The following DIS3L variants were observed in gnomAD, a reference collection of about 807,000 sequenced individuals.
DIS3L encodes DIS3-like exonuclease 1.
Under a neutral mutation model 120.3 loss-of-function variants are expected in DIS3L, and 100 were observed. The ratio of observed to expected loss-of-function variants is 0.83; its 90% confidence interval spans 0.71 to 0.98. The LOEUF (loss-of-function observed/expected upper bound fraction) is 0.98, where lower values mean the gene tolerates loss of function less well. DIS3L is among the 50% of genes least tolerant of loss of function. DIS3L has a pLI of 0.00. For missense variants in DIS3L, 1,196 were observed against 1,314.2 expected (o/e 0.91, Z 1.39); for synonymous variants, 426 against 470.6 (o/e 0.91, Z 1.23).
At chr15:66,319,585 G>T (rs1233105830) in intron 8 of DIS3L, among the ~76,000 whole-genome samples, 1 of 152,204 alleles carries the variant, frequency 6.6e-6, no homozygotes, top group Non-Finnish European at 1.5e-5. Flanking sequence ...CAAAAAGTAT[G>T]GGCATTGCCC....
Position 66,293,605 on chromosome 15 carries a change from G to A in DIS3L, c.9G>A (p.Gln3=). The A allele has an allele frequency of 6.9e-7, 1 of 1,442,466 alleles. No individual in the cohort carries two copies. Among genetic ancestry groups the A allele is most frequent in the African/African-American group, 1.5e-5 (1 of 67,392 alleles). The allele number at this position is 1,442,466 out of a possible 1,614,324, so 89.4% of individuals were successfully genotyped here. A position where few individuals can be genotyped will look rare whatever the true frequency, so the allele number is the denominator to read the frequency against. ...CCGGGAGACACGCCGCCATGCTGCAGAAGCGGGAGAAGGTGCTGCTGCTGA... is the reference window on the plus strand; with the variant it reads ...CCGGGAGACACGCCGCCATGCTGCAAAAGCGGGAGAAGGTGCTGCTGCTGA... ML[Q]KREKVLLLRT... Residue 3 remains glutamine (Q), a synonymous_variant, in exon 1 of 17, where the codon CAG becomes CAA. Transcript: ENST00000319212.
In DIS3L at chr15:66,326,282, C is replaced by T. The variant is rs750334171; in HGVS notation, c.2119C>T (p.Arg707Cys). The change falls in exon 12 of 17, where the codon CGC (arginine) becomes TGC (cysteine). Residue 707 changes from arginine (R) to cysteine (C), a missense_variant. Transcript: ENST00000319212. ...GAGCTTCCCTCATCAGGCCTTGCTG[C>T]GCCAGCACCCTCCTCCACACCAGGA... is the stretch of plus-strand genomic sequence containing the variant. ...WESFPHQALL[R>C]QHPPPHQEFF... 42 of 1,613,984 alleles carry T rather than the reference C, an allele frequency of 2.6e-5. No homozygotes were observed. The highest frequency in any genetic ancestry group is 1.6e-4 in the Middle Eastern group (1 of 6,078).
intron 2 of DIS3L, among the ~76,000 whole-genome samples, chr15:66,301,332 GTGCAGTGGTGCCATC>G (rs1183269723): frequency 7.9e-5 from 12 of 151,828 alleles, no homozygotes; most frequent in Admixed American, 6.6e-4. Flanking sequence ...CCAGGCTGGA[GTGCAGTGGTGCCATC>G]TCAGCTCACT....
At chr15:66,307,057 A>G (rs2092709433) in intron 3 of DIS3L, 105 bp downstream of exon 3, 1 of 1,429,052 alleles carries the variant, frequency 7.0e-7, no homozygotes, top group Admixed American at 2.1e-5. Flanking sequence ...ACAAACCAAC[A>G]ATTATTCTGG....
At chr15:66,298,822 A>T (rs2092617365) in intron 2 of DIS3L, among the ~76,000 whole-genome samples, 1 of 152,248 alleles carries the variant, frequency 6.6e-6, no homozygotes, top group South Asian at 2.1e-4. Flanking sequence ...TTATTCAACA[A>T]ATGTTCACCA....
At chr15:66,296,681 G>A (rs554427811) in intron 2 of DIS3L, among the ~76,000 whole-genome samples, 29 of 151,956 alleles carry the variant, frequency 1.9e-4, no homozygotes, top group Middle Eastern at 3.4e-3. Context: ...ACGCCACCAC[G>A]CCCGGCTAAT....
chr15:66,331,958 T>A lies in DIS3L; in HGVS notation c.2619T>A (p.Arg873=), dbSNP rs752568193. The change falls in exon 15 of 17, where the codon CGT becomes CGA. Residue 873 remains arginine, a synonymous_variant. Coordinates refer to ENST00000319212, the MANE Select transcript of DIS3L (RefSeq NM_001143688.3). The stretch of plus-strand genomic sequence containing the variant: ...ACAAAGACCCTGCCACCGAGGAGCG[T>A]TGCATATCTGACGGAGTTATTTATT... ...FKDKDPATEE[R]CISDGVIYSI... is the part of the protein sequence containing the mutation. 2.5e-6 allele frequency: 4 copies of A among 1,613,474 alleles called. No homozygotes were observed.
chr15:66,305,770 A>G (rs938129732), intron 2 of DIS3L, among the ~76,000 whole-genome samples: 3 of 152,198 alleles, frequency 2.0e-5, no homozygotes, highest in East Asian at 1.9e-4. Flanking sequence ...GGCTCAAGCA[A>G]TCCTCCTTCC....
rs1200310885 is a variant in DIS3L, at chr15:66,329,283, G to A, written c.2419G>A (p.Val807Ile). 8.7e-6 allele frequency: 14 copies of A among 1,613,896 alleles called. No individual in the cohort carries two copies. The highest frequency in any genetic ancestry group is 1.3e-5 in the African/African-American group (1 of 74,892). Residue 807 changes from valine to isoleucine, a missense_variant, in exon 14 of 17, where the codon GTA (valine) becomes ATA (isoleucine). Val to Ile is a conservative substitution (Grantham distance 29). Coordinates refer to ENST00000319212, the MANE Select transcript of DIS3L (RefSeq NM_001143688.3). ...AATAAGAAGATATTCAGATATTGTAGTACACCGCTTGTTAATGGCAGCCAT... is the reference window on the plus strand; with the variant it reads ...AATAAGAAGATATTCAGATATTGTAATACACCGCTTGTTAATGGCAGCCAT... ...SPIRRYSDIVVHRLLMAAISK... is the reference protein window; with the variant it reads ...SPIRRYSDIVIHRLLMAAISK...
At chr15:66,293,769 G>A (rs1290151852) in intron 1 of DIS3L, 34 bp downstream of exon 1, 3 of 1,155,462 alleles carry the variant, frequency 2.6e-6, no homozygotes, top group Non-Finnish European at 3.2e-6. Flanking sequence ...GACGGGGCCG[G>A]CGGGAGCGGG....
At chr15:66,321,760 T>A (rs1196129677) in intron 9 of DIS3L, among the ~76,000 whole-genome samples, 1 of 137,106 alleles carries the variant, frequency 7.3e-6, no homozygotes, top group Non-Finnish European at 1.5e-5. Context: ...AGCGAGACTG[T>A]CTCAAAAAAA....
At chr15:66,293,495 C>A (rs923640484), upstream of DIS3L, 146 of 1,243,342 alleles carry the variant, frequency 1.2e-4, no homozygotes, top group Non-Finnish European at 1.4e-4. Context: ...GCAGTTACGG[C>A]GGTTCCGGAG....
At position 66,326,239 on chromosome 15, in the gene DIS3L, C is replaced by A. The variant is rs775837616; in HGVS notation, c.2076C>A (p.Val692=). ...AECMILANHW[V]AKKIWESFPH... ...GCATGATCCTGGCCAACCACTGGGTCGCCAAAAAGATCTGGGAGAGCTTCC... is the reference window on the plus strand; with the variant it reads ...GCATGATCCTGGCCAACCACTGGGTAGCCAAAAAGATCTGGGAGAGCTTCC... Residue 692 remains valine (V), a synonymous_variant, in exon 12 of 17, where the codon GTC becomes GTA. Transcript: ENST00000319212. 1 of 1,614,174 alleles carries A rather than the reference C, an allele frequency of 6.2e-7. No homozygotes were observed. Among genetic ancestry groups the A allele is most frequent in the South Asian group, 1.1e-5 (1 of 91,082 alleles).
chr15:66,314,130 C>T lies in DIS3L; in HGVS notation c.814+13C>T. ...AGTAAAGATTCAGGTTCAGTATAAA[C>T]CTTACATAAATTTCCATACTCCTTT... On this transcript the variant is annotated intron_variant, in intron 6 of 16. Transcript: ENST00000319212. 6.9e-7 allele frequency: 1 copy of T among 1,457,988 alleles called. No homozygotes were observed. Among genetic ancestry groups the T allele is most frequent in the Non-Finnish European group, 9.0e-7 (1 of 1,108,886 alleles). The allele number at this position is 1,457,988 out of a possible 1,614,324, so 90.3% of individuals were successfully genotyped here. A position where few individuals can be genotyped will look rare whatever the true frequency, so the allele number is the denominator to read the frequency against.
upstream of DIS3L, chr15:66,293,544 G>C (rs929586464): frequency 1.5e-6 from 2 of 1,358,968 alleles, no homozygotes; most frequent in African/African-American, 3.1e-5. Flanking sequence ...CCGAGGCCGC[G>C]GCCTTGCCTC....
upstream of DIS3L, chr15:66,293,478 G>C (rs1750398607): frequency 8.1e-7 from 1 of 1,230,064 alleles, no homozygotes; most frequent in Admixed American, 4.6e-5. Context: ...GGCCTCCCCC[G>C]GGCGCGGCAG....
In DIS3L at chr15:66,325,947, A is replaced by T; in HGVS notation, c.1784A>T (p.Glu595Val). The change falls in exon 12 of 17, where the codon GAA (glutamate) becomes GTA (valine). Residue 595 changes from glutamate (E) to valine (V), a missense_variant. Transcript: ENST00000319212. ...AAACTGTTCTATGAAGCAGCCCAAG[A>T]ACTACTGGATGGAAACTTAAGCGTT... ...AYKLFYEAAQ[E>V]LLDGNLSVVD... 6.2e-7 allele frequency: 1 copy of T among 1,614,188 alleles called. No homozygotes were observed. Among genetic ancestry groups the T allele is most frequent in the Non-Finnish European group, 8.5e-7 (1 of 1,180,032 alleles).
intron 5 of DIS3L, among the ~76,000 whole-genome samples, chr15:66,312,885 G>A (rs2092776474): frequency 6.6e-6 from 1 of 152,212 alleles, no homozygotes. Context: ...CCCTAAAAGT[G>A]TGGGGATTTT....
In DIS3L at chr15:66,333,128, G is replaced by A. The variant is rs142501913; in HGVS notation, c.2981G>A (p.Ser994Asn). ...LIHQSSPLLKSELVKEVTKSV... is the reference protein window; with the variant it reads ...LIHQSSPLLKNELVKEVTKSV... The stretch of plus-strand genomic sequence containing the variant: ...CATCAGAGTTCCCCCTTGCTGAAGA[G>A]TGAGTTAGTGAAAGAAGTAACTAAA... The change falls in exon 17 of 17, where the codon AGT becomes AAT. Residue 994 changes from serine to asparagine, a missense_variant. Transcript: ENST00000319212. 1.8e-4 allele frequency: 296 copies of A among 1,613,574 alleles called. No individual in the cohort carries two copies. The African/African-American group carries it at 3.7e-3, about 20-fold the overall frequency.
Sources: allele counts gnomAD v4.1 joint callset (sites outside exome capture counted in the v4.1 genomes callset), GRCh38; gene constraint gnomAD v4.1.1; transcripts MANE v1.5; gene names NCBI Gene and HGNC (gene_info 2026-07-23, HGNC 2026-07-21).